TNFAIP8L3: variants seen among roughly 807,000 people sequenced by gnomAD.
TNFAIP8L3 encodes the protein TNF alpha induced protein 8 like 3, also known as tumor necrosis factor alpha-induced protein 8-like protein 3.
Under a neutral mutation model 11.8 loss-of-function variants are expected in TNFAIP8L3, and 7 were observed. The observed-to-expected ratio is 0.59, with a 90% CI of 0.34 to 1.11. The LOEUF (loss-of-function observed/expected upper bound fraction) is 1.11. Among genes scored for constraint, TNFAIP8L3 ranks in the 50% most tolerant of loss-of-function variants. The probability of loss-of-function intolerance (pLI) is 0.03; values close to 1 mark genes in which losing one functional copy is unlikely to be tolerated. For synonymous variants in TNFAIP8L3, 98 were observed against 103.8 expected, an observed-to-expected ratio of 0.94 and a Z score of 0.34; for missense variants, 219 against 258.6, an observed-to-expected ratio of 0.85 and a Z score of 1.05.
intron 1 of TNFAIP8L3, among the ~76,000 whole-genome samples, chr15:51,092,597 C>G (rs1019695459): frequency 6.6e-6 from 1 of 152,174 alleles, no homozygotes; most frequent in African/African-American, 2.4e-5. Context: ...CTGCAGAAAA[C>G]AGTAAGGTGC....
intron 1 of TNFAIP8L3, among the ~76,000 whole-genome samples, chr15:51,060,504 C>T (rs1348934968): frequency 6.6e-6 from 1 of 152,194 alleles, no homozygotes; most frequent in East Asian, 1.9e-4. Flanking sequence ...TTTAGACTCT[C>T]TAGAAATGCA....
At chr15:51,079,919 G>A (rs1270975311) in intron 1 of TNFAIP8L3, among the ~76,000 whole-genome samples, 3 of 151,480 alleles carry the variant, frequency 2.0e-5, no homozygotes, top group East Asian at 3.9e-4. Flanking sequence ...CACAAGGGAG[G>A]CTTATAACAT....
intron 1 of TNFAIP8L3, among the ~76,000 whole-genome samples, chr15:51,101,959 A>G (rs1206915048): frequency 1.3e-5 from 2 of 151,682 alleles, no homozygotes; most frequent in East Asian, 1.9e-4. Flanking sequence ...AAAAAAAAAA[A>G]AAAAAGAAAA....
At chr15:51,088,585 T>C (rs922115525) in intron 1 of TNFAIP8L3, among the ~76,000 whole-genome samples, 1 of 152,208 alleles carries the variant, frequency 6.6e-6, no homozygotes, top group Non-Finnish European at 1.5e-5. Context: ...AGCCAGCATC[T>C]ACTGGACTGT....
chr15:51,081,225 A>G (rs940906029), intron 1 of TNFAIP8L3, among the ~76,000 whole-genome samples: 2 of 152,198 alleles, frequency 1.3e-5, no homozygotes, highest in East Asian at 3.9e-4. Context: ...AAGGGAAGAC[A>G]TCTCAGGTGA....
intron 1 of TNFAIP8L3, among the ~76,000 whole-genome samples, chr15:51,060,744 C>T (rs889862077): frequency 1.3e-5 from 2 of 152,246 alleles, no homozygotes; most frequent in Non-Finnish European, 2.9e-5. Flanking sequence ...TTCCTGCTGG[C>T]CTGATTCCAT....
At chr15:51,103,442 T>G (rs775330649) in intron 1 of TNFAIP8L3, among the ~76,000 whole-genome samples, 2 of 152,252 alleles carry the variant, frequency 1.3e-5, no homozygotes, top group Non-Finnish European at 2.9e-5. Flanking sequence ...CATGAGAGTT[T>G]CCAGTGTTTT....
chr15:51,091,259 C>T (rs1361458793), intron 1 of TNFAIP8L3, among the ~76,000 whole-genome samples: 4 of 152,202 alleles, frequency 2.6e-5, no homozygotes, highest in African/African-American at 7.2e-5. Context: ...TCCACTGCAG[C>T]GTGTTGCTCT....
chr15:51,103,764 G>GTT lies in TNFAIP8L3; in HGVS notation c.172+1239_172+1240dup, dbSNP rs576206684. ...TAGTTGTCGAAAACCCAGGAACTCG[G>GTT]TTCATCCTCCACATTCCTGTAACTC... On this transcript the variant is annotated intron_variant, in intron 1 of 2. Transcript: ENST00000327536. Among the ~76,000 whole-genome samples the GTT allele has an allele frequency of 3.1e-3, 478 of 152,270 alleles. 4 individuals are homozygous for GTT. The highest frequency in any genetic ancestry group is 0.011 in the African/African-American group (463 of 41,548).
intron 1 of TNFAIP8L3, among the ~76,000 whole-genome samples, chr15:51,079,297 A>G (rs976103660): frequency 7.2e-5 from 11 of 152,188 alleles, no homozygotes; most frequent in Non-Finnish European, 1.2e-4. Flanking sequence ...CTTCTAGGCA[A>G]TTTCTTTTTG....
At chr15:51,099,901 C>T (rs1567299015), upstream of TNFAIP8L3, among the ~76,000 whole-genome samples, 2 of 152,190 alleles carry the variant, frequency 1.3e-5, no homozygotes, top group South Asian at 4.2e-4. Flanking sequence ...GCAATGTTAC[C>T]CCAGTTCTCA....
At chr15:51,099,786 A>G (rs1054800457), upstream of TNFAIP8L3, among the ~76,000 whole-genome samples, 8 of 152,200 alleles carry the variant, frequency 5.3e-5, no homozygotes, top group Admixed American at 5.2e-4. Flanking sequence ...GGTCAGTATT[A>G]TTCCCACAGG....
chr15:51,093,119 A>G (rs2065484437), intron 1 of TNFAIP8L3, among the ~76,000 whole-genome samples: 1 of 152,276 alleles, frequency 6.6e-6, no homozygotes, highest in Non-Finnish European at 1.5e-5. Flanking sequence ...AGCACTTTAT[A>G]GTCACAGAAA....
chr15:51,090,303 C>T (rs2065458843), intron 1 of TNFAIP8L3, among the ~76,000 whole-genome samples: 1 of 152,206 alleles, frequency 6.6e-6, no homozygotes, highest in African/African-American at 2.4e-5. Flanking sequence ...CTCCCTCTTC[C>T]ATCTTGCCTT....
upstream of TNFAIP8L3, among the ~76,000 whole-genome samples, chr15:51,098,214 C>G (rs1311705010): frequency 6.6e-6 from 1 of 152,196 alleles, no homozygotes; most frequent in African/African-American, 2.4e-5. Flanking sequence ...TGCTATGACT[C>G]ATCTGCCTGT....
rs1400507043 is a variant in TNFAIP8L3 at position 51,057,421 on chromosome 15, G to C, written c.*460C>G. 6.4e-6 allele frequency: 1 copy of C among 155,250 alleles called. No homozygotes were observed. Among genetic ancestry groups the C allele is most frequent in the Admixed American group, 6.3e-5 (1 of 15,946 alleles). The allele number at this position is 155,250 out of a possible 1,614,324, so 9.6% of individuals were successfully genotyped here. On this transcript the variant is annotated 3_prime_UTR_variant, in exon 2 of 2. Transcript: ENST00000637513. ...GACAAAATATTAAGACTTTAAATTA[G>C]AGATTCCAAAAGTATGAACATACAT...
chr15:51,092,169 G>A (rs925447807), intron 1 of TNFAIP8L3, among the ~76,000 whole-genome samples: 1 of 152,180 alleles, frequency 6.6e-6, no homozygotes, highest in Non-Finnish European at 1.5e-5. Context: ...GGAAAGGCAT[G>A]GATGAGGAAG....
chr15:51,083,137 G>C (rs1319494922), intron 1 of TNFAIP8L3, among the ~76,000 whole-genome samples: 2 of 152,176 alleles, frequency 1.3e-5, no homozygotes, highest in African/African-American at 4.8e-5. Context: ...TGGGAGGCTA[G>C]AGGGGAGTAA....
intron 1 of TNFAIP8L3, among the ~76,000 whole-genome samples, chr15:51,089,297 T>A (rs2065450385): frequency 6.6e-6 from 1 of 152,106 alleles, no homozygotes; most frequent in Non-Finnish European, 1.5e-5. Flanking sequence ...TTAGGGGACA[T>A]GGGTGGCATG....
Sources: gnomAD v4.1 joint callset for allele counts (sites outside exome capture counted in the v4.1 genomes callset) on GRCh38, gnomAD v4.1.1 for gene constraint, MANE v1.5 for transcripts, NCBI Gene and HGNC (gene_info 2026-07-23, HGNC 2026-07-21) for gene names.